RANBP2: variants seen among roughly 807,000 people sequenced by gnomAD.
RANBP2 encodes E3 SUMO-protein ligase RanBP2.
In RANBP2, 57 loss-of-function variants were observed where a neutral mutation model predicts 303.6. The observed-to-expected ratio is 0.19, with a 90% confidence interval of 0.15 to 0.23. The LOEUF (loss-of-function observed/expected upper bound fraction) is 0.23, where lower values mean the gene tolerates loss of function less well. Among genes scored for constraint, RANBP2 ranks in the 10% least tolerant of loss-of-function variants. The pLI is 1.00. For missense variants in RANBP2, 3,138 were observed against 3,780.8 expected (o/e 0.83, Z 4.46); for synonymous variants, 1,167 against 1,301.5 (o/e 0.90, Z 2.23).
chr2:109,213,987 G>T, the RANBP2 span, among the ~76,000 whole-genome samples: 2 of 152,198 alleles, frequency 1.3e-5, no homozygotes, highest in Non-Finnish European at 2.9e-5. Context: ...CTGTGGATTG[G>T]GTGGACGTGG....
the RANBP2 span, among the ~76,000 whole-genome samples, chr2:109,049,633 T>TATGGG: frequency 6.6e-6 from 1 of 152,224 alleles, no homozygotes; most frequent in Admixed American, 6.5e-5. Context: ...TAACAAGCAC[T>TATGGG]ATGGGATCTG....
In RANBP2 at chr2:108,753,771, A is replaced by G. The variant is rs13429944; in HGVS notation, c.2056-54A>G. ...ATGAGCCACCATGCGTGGCCAAGCT[A>G]AAAGTTTTTTGTTTTAAAAACCTAA... is the stretch of plus-strand genomic sequence containing the variant. On this transcript the variant is annotated intron_variant, in intron 14 of 28. Coordinates refer to ENST00000283195, the MANE Select transcript of RANBP2 (RefSeq NM_006267.5). 8,772 of 1,611,450 alleles carry G rather than the reference A, an allele frequency of 5.4e-3. 331 individuals are homozygous for G. The African/African-American group carries it at 0.086, about 16-fold the overall frequency.
chr2:109,520,598 C>CAAAAAAAA, the RANBP2 span, among the ~76,000 whole-genome samples: 36 of 50,102 alleles, frequency 7.2e-4, no homozygotes, highest in South Asian at 1.4e-3. Context: ...GACTCCATCT[C>CAAAAAAAA]AAAAAAAAAA....
the RANBP2 span, among the ~76,000 whole-genome samples, chr2:109,336,065 C>T: frequency 2.0e-5 from 3 of 152,190 alleles, no homozygotes; most frequent in African/African-American, 7.2e-5. Context: ...GCATTCCTCT[C>T]CCTACATTTT....
At chr2:109,182,924 G>A in the RANBP2 span, among the ~76,000 whole-genome samples, 4 of 151,936 alleles carry the variant, frequency 2.6e-5, no homozygotes, top group African/African-American at 7.2e-5. Flanking sequence ...TAACTTAAAC[G>A]TTTCCCATGA....
chr2:109,481,228 T>TC, the RANBP2 span, among the ~76,000 whole-genome samples: 1 of 151,774 alleles, frequency 6.6e-6, no homozygotes, highest in African/African-American at 2.4e-5. Flanking sequence ...GTGGCGAGGG[T>TC]CCCCCCACAC....
the RANBP2 span, chr2:109,543,024 T>C: frequency 6.6e-6 from 1 of 152,270 alleles, no homozygotes; most frequent in Non-Finnish European, 1.5e-5. Flanking sequence ...TAAATGTCAG[T>C]TTTATTTAGA....
At chr2:109,091,620 C>T in the RANBP2 span, among the ~76,000 whole-genome samples, 23 of 152,286 alleles carry the variant, frequency 1.5e-4, no homozygotes, top group South Asian at 8.3e-4. Context: ...GAGCTTGTCC[C>T]GGATTGCCCC....
the RANBP2 span, among the ~76,000 whole-genome samples, chr2:109,523,230 A>C: frequency 2.0e-5 from 3 of 152,114 alleles, no homozygotes; most frequent in African/African-American, 7.2e-5. Flanking sequence ...CAGTTTTTGC[A>C]TATCATGTGG....
chr2:109,661,951 G>A, the RANBP2 span, among the ~76,000 whole-genome samples: 2 of 152,080 alleles, frequency 1.3e-5, no homozygotes, highest in Non-Finnish European at 2.9e-5. Flanking sequence ...TTTGGTGGTG[G>A]CCATAAAGAT....
the RANBP2 span, among the ~76,000 whole-genome samples, chr2:109,763,077 A>G: frequency 6.7e-6 from 1 of 150,068 alleles, no homozygotes; most frequent in East Asian, 2.0e-4. Flanking sequence ...TTTCATATCC[A>G]TTGTTTTCTT....
the RANBP2 span, among the ~76,000 whole-genome samples, chr2:109,208,711 T>C: frequency 6.6e-6 from 1 of 152,222 alleles, no homozygotes; most frequent in Non-Finnish European, 1.5e-5. Context: ...AATCCTGTAC[T>C]GTTGCTGTGG....
chr2:109,339,827 C>T, the RANBP2 span, among the ~76,000 whole-genome samples: 3 of 152,152 alleles, frequency 2.0e-5, no homozygotes, highest in African/African-American at 7.2e-5. Flanking sequence ...CAGATCTGGA[C>T]CCTCCTGGCC....
At chr2:109,164,267 C>T in the RANBP2 span, among the ~76,000 whole-genome samples, 78,198 of 151,936 alleles carry the variant, frequency 0.51, 20,724 homozygotes, top group South Asian at 0.6. Flanking sequence ...ACTGCGGCCT[C>T]GGCCTCCTGG....
the RANBP2 span, among the ~76,000 whole-genome samples, chr2:109,182,606 A>G: frequency 6.6e-6 from 1 of 152,210 alleles, no homozygotes; most frequent in South Asian, 2.1e-4. Context: ...GAATGAATCG[A>G]TGTTGCGTAA....
chr2:109,027,254 A>AC, the RANBP2 span, among the ~76,000 whole-genome samples: 1 of 150,976 alleles, frequency 6.6e-6, no homozygotes, highest in Non-Finnish European at 1.5e-5. Flanking sequence ...AAAAAAAAAA[A>AC]AAAAAAAAAA....
At chr2:109,670,311 A>T in the RANBP2 span, among the ~76,000 whole-genome samples, 1 of 18,728 alleles carries the variant, frequency 5.3e-5, no homozygotes, top group Admixed American at 7.0e-4. Context: ...CCTGTGGCAG[A>T]GTGGGGGTGG....
At chr2:109,200,697 G>A in the RANBP2 span, among the ~76,000 whole-genome samples, 1 of 152,100 alleles carries the variant, frequency 6.6e-6, no homozygotes, top group Non-Finnish European at 1.5e-5. Context: ...CCTGCACTCC[G>A]GTTGGTTCAC....
the RANBP2 span, among the ~76,000 whole-genome samples, chr2:109,314,571 A>G: frequency 7.2e-5 from 11 of 152,224 alleles, no homozygotes; most frequent in Non-Finnish European, 1.5e-4. Context: ...TATTCCTGCC[A>G]CTTCATAAAT....
Sources: allele counts gnomAD v4.1 joint callset (sites outside exome capture counted in the v4.1 genomes callset), GRCh38; gene constraint gnomAD v4.1.1; transcripts MANE v1.5; gene names NCBI Gene and HGNC (gene_info 2026-07-23, HGNC 2026-07-21).